Variants in VRK2 observed in about 807,000 individuals in gnomAD.
VRK2 encodes serine/threonine-protein kinase VRK2.
VRK2 carries 60 observed loss-of-function variants against 57.6 expected under a neutral mutation model. The ratio of observed to expected loss-of-function variants is 1.04; its 90% CI spans 0.85 to 1.29. The LOEUF is 1.29. Ranked by LOEUF, VRK2 falls within the 50% of genes most tolerant of loss-of-function variation. VRK2 has a pLI of 0.00. For synonymous variants in VRK2, 231 were observed against 199.2 expected, an observed-to-expected ratio of 1.16 and a Z score of -1.35; for missense variants, 705 against 588.1, an observed-to-expected ratio of 1.20 and a Z score of -2.06.
At chr2:58,120,208 T>TTTTTTTTTTTTTTTTTTTTTTTA (rs1491130818) in intron 7 of VRK2, among the ~76,000 whole-genome samples, 1 of 126,970 alleles carries the variant, frequency 7.9e-6, no homozygotes, top group Non-Finnish European at 1.7e-5. Context: ...TTTTTTTTTT[T>TTTTTTTTTTTTTTTTTTTTTTTA]GAGACAGAGT....
chr2:58,020,034 A>C (rs879681271), intron 1 of VRK2, among the ~76,000 whole-genome samples: 3 of 152,254 alleles, frequency 2.0e-5, no homozygotes, highest in African/African-American at 7.2e-5. Flanking sequence ...TACATGGAGA[A>C]AATGTTAAAA....
intron 2 of VRK2, chr2:58,058,623 G>T (rs1676883710): frequency 1.7e-5 from 4 of 239,094 alleles, no homozygotes; most frequent in Non-Finnish European, 2.6e-5. Context: ...AGATGTGTCA[G>T]ATGTGTCTGT....
At chr2:57,967,279 C>T (rs1239660757) in intron 1 of VRK2, among the ~76,000 whole-genome samples, 2 of 151,876 alleles carry the variant, frequency 1.3e-5, no homozygotes, top group Non-Finnish European at 2.9e-5. Context: ...ATGTAGATGA[C>T]GGGTTGATGG....
At chr2:57,921,768 AG>A (rs1349108773) in intron 1 of VRK2, among the ~76,000 whole-genome samples, 1 of 152,114 alleles carries the variant, frequency 6.6e-6, no homozygotes, top group African/African-American at 2.4e-5. Context: ...GCCATAAGCT[AG>A]GAGTTGCTAT....
At chr2:57,909,208 C>T (rs1018570406) in intron 1 of VRK2, among the ~76,000 whole-genome samples, 6 of 152,196 alleles carry the variant, frequency 3.9e-5, no homozygotes, top group African/African-American at 1.4e-4. Flanking sequence ...TAACTGAACT[C>T]ATTTGACTTT....
chr2:58,048,634 C>T (rs1376679664), intron 1 of VRK2, 193 bp from the exon 2 acceptor site: 1 of 1,498,302 alleles, frequency 6.7e-7, no homozygotes, highest in Admixed American at 2.0e-5. Flanking sequence ...TCTTAGATCT[C>T]AGTATTGTAA....
intron 1 of VRK2, among the ~76,000 whole-genome samples, chr2:57,926,187 A>T (rs999277105): frequency 3.9e-5 from 6 of 152,008 alleles, no homozygotes; most frequent in Admixed American, 1.3e-4. Context: ...TGAGGAAAAA[A>T]TGTATATCCT....
intron 7 of VRK2, among the ~76,000 whole-genome samples, chr2:58,114,435 T>G (rs1450208149): frequency 6.6e-6 from 1 of 152,166 alleles, no homozygotes; most frequent in East Asian, 1.9e-4. Context: ...ACAAGTTTTT[T>G]TGGGGCACAG....
chr2:58,092,799 G>A (rs1672561864), intron 7 of VRK2, among the ~76,000 whole-genome samples: 1 of 152,140 alleles, frequency 6.6e-6, no homozygotes, highest in Non-Finnish European at 1.5e-5. Flanking sequence ...ATCTCCTAAT[G>A]CTATCCCTCC....
intron 1 of VRK2, among the ~76,000 whole-genome samples, chr2:57,917,017 AAATGTAC>A (rs57625387): frequency 0.099 from 15,078 of 152,126 alleles, 761 homozygotes; most frequent in East Asian, 0.17. Context: ...GTAAATTTTC[AAATGTAC>A]AATCTCTAGA....
chr2:58,046,812 G>A lies in VRK2; in HGVS notation c.-62G>A, dbSNP rs1674811053. On this transcript the variant is annotated 5_prime_UTR_variant, in exon 1 of 13. Coordinates refer to ENST00000340157, the MANE Select transcript of VRK2 (RefSeq NM_006296.7). ...GTAGGCCCGGGGGCTCCGCCTCGTC[G>A]CAGCGGCAGGTAGGAGGCGGTGCGC... 2 of 985,610 alleles carry A rather than the reference G, an allele frequency of 2.0e-6. No homozygotes were observed. Among genetic ancestry groups the A allele is most frequent in the South Asian group, 9.4e-5 (2 of 21,292 alleles). The allele number at this position is 985,610 out of a possible 1,614,324, so 61.1% of individuals were successfully genotyped here.
At chr2:57,922,642 G>C (rs1670391639) in intron 1 of VRK2, among the ~76,000 whole-genome samples, 1 of 151,518 alleles carries the variant, frequency 6.6e-6, no homozygotes, top group Non-Finnish European at 1.5e-5. Context: ...ATATATCTAT[G>C]GGTTACATGA....
At chr2:57,938,203 T>C (rs933675999) in intron 1 of VRK2, among the ~76,000 whole-genome samples, 1 of 152,212 alleles carries the variant, frequency 6.6e-6, no homozygotes, top group African/African-American at 2.4e-5. Flanking sequence ...AAATTTATTC[T>C]TTATCTTTCT....
chr2:57,975,260 C>A (rs957529116), intron 1 of VRK2, among the ~76,000 whole-genome samples: 3 of 151,614 alleles, frequency 2.0e-5, no homozygotes, highest in Non-Finnish European at 1.5e-5. Context: ...TGAAACACAC[C>A]CCAAATCAAC....
intron 1 of VRK2, among the ~76,000 whole-genome samples, chr2:57,987,965 C>G (rs555272983): frequency 1.3e-5 from 2 of 152,204 alleles, no homozygotes; most frequent in East Asian, 3.9e-4. Context: ...ACTACTGAGA[C>G]AGAAAACAGA....
chr2:58,155,773 C>T (rs1225661807), intron 12 of VRK2, among the ~76,000 whole-genome samples: 6 of 149,792 alleles, frequency 4.0e-5, no homozygotes, highest in Non-Finnish European at 8.9e-5. Context: ...CCCACCCCGC[C>T]GCCCCGTTTC....
At chr2:58,046,469 G>A, upstream of VRK2, 14 of 982,934 alleles carry the variant, frequency 1.4e-5, no homozygotes, top group Non-Finnish European at 1.7e-5. Context: ...TACTCAGGTT[G>A]TGGTACAGGA....
At chr2:58,075,926 G>A (rs564986456) in intron 2 of VRK2, among the ~76,000 whole-genome samples, 5 of 138,666 alleles carry the variant, frequency 3.6e-5, no homozygotes, top group Non-Finnish European at 8.2e-5. Context: ...TTTGGGCACT[G>A]ATTTGCCTTG....
At chr2:58,074,833 T>C (rs1046411189) in intron 2 of VRK2, among the ~76,000 whole-genome samples, 1 of 152,236 alleles carries the variant, frequency 6.6e-6, no homozygotes, top group Middle Eastern at 3.4e-3. Flanking sequence ...TGGTAAGGTG[T>C]GGGAGAATAT....
Sources: gnomAD v4.1 joint callset for allele counts (sites outside exome capture counted in the v4.1 genomes callset) on GRCh38, gnomAD v4.1.1 for gene constraint, MANE v1.5 for transcripts, NCBI Gene and HGNC (gene_info 2026-07-23, HGNC 2026-07-21) for gene names.